PCCA: variants seen among roughly 807,000 people sequenced by gnomAD.
The protein encoded by PCCA is propionyl-CoA carboxylase alpha chain, mitochondrial.
In PCCA, 74 loss-of-function variants were observed where a neutral mutation model predicts 101.3. The observed-to-expected ratio is 0.73, with a 90% confidence interval of 0.61 to 0.89. The LOEUF is 0.89. Ranked by LOEUF, PCCA falls within the 40% of genes least tolerant of loss-of-function variation. The pLI is 0.00. For synonymous variants in PCCA, 294 were observed against 313.6 expected (o/e 0.94, Z 0.66); for missense variants, 891 against 907.0 (o/e 0.98, Z 0.23).
chr13:100,413,657 C>T (rs750721874), intron 19 of PCCA, among the ~76,000 whole-genome samples: 8 of 152,240 alleles, frequency 5.3e-5, no homozygotes, highest in Non-Finnish European at 1.2e-4. Context: ...GACTTCATTC[C>T]TCACAACCAC....
intron 20 of PCCA, 39 bp downstream of exon 20, chr13:100,425,770 G>A: frequency 7.5e-7 from 1 of 1,338,982 alleles, no homozygotes; most frequent in South Asian, 1.2e-5. Flanking sequence ...GCCTCCTCAA[G>A]TCCAGAATCC....
intron 19 of PCCA, among the ~76,000 whole-genome samples, chr13:100,385,259 A>T (rs987780508): frequency 4.6e-5 from 7 of 152,236 alleles, no homozygotes; most frequent in African/African-American, 1.4e-4. Flanking sequence ...AATTATTAGG[A>T]TAATAAGTCA....
At chr13:100,486,883 C>A (rs1596130902) in intron 21 of PCCA, among the ~76,000 whole-genome samples, 1 of 152,202 alleles carries the variant, frequency 6.6e-6, no homozygotes, top group Non-Finnish European at 1.5e-5. Context: ...CGTACCACTG[C>A]ACTCCAGCTT....
chr13:100,403,337 C>A (rs1320392529), intron 19 of PCCA, among the ~76,000 whole-genome samples: 1 of 152,164 alleles, frequency 6.6e-6, no homozygotes, highest in Non-Finnish European at 1.5e-5. Flanking sequence ...TCTCACACTG[C>A]TGTAAAGACA....
At chr13:100,420,875 A>G (rs542903973) in intron 19 of PCCA, among the ~76,000 whole-genome samples, 1 of 152,288 alleles carries the variant, frequency 6.6e-6, no homozygotes, top group East Asian at 1.9e-4. Flanking sequence ...TTGATTGCAT[A>G]TTGTAATGAC....
In PCCA at chr13:100,375,729, C is replaced by T. The variant is rs2075861749; in HGVS notation, c.1746+7155C>T. On this transcript the variant is annotated intron_variant, in intron 19 of 23. Coordinates refer to ENST00000376285, the MANE Select transcript of PCCA (RefSeq NM_000282.4). ...GTCCATCAACACTATGAAGAAACTGCATCAACTAATGGGCAAAATAACCAG... is the reference window on the plus strand; with the variant it reads ...GTCCATCAACACTATGAAGAAACTGTATCAACTAATGGGCAAAATAACCAG... 2.0e-5 allele frequency among the ~76,000 whole-genome samples: 3 copies of T among 152,156 alleles called. No homozygotes were observed. In the South Asian group the frequency reaches 6.2e-4, roughly 31 times the overall value.
chr13:100,526,399 C>A (rs1314349844), intron 22 of PCCA, among the ~76,000 whole-genome samples: 1 of 152,238 alleles, frequency 6.6e-6, no homozygotes, highest in Non-Finnish European at 1.5e-5. Flanking sequence ...CATCGTCTCT[C>A]TTCCTATATT....
intron 17 of PCCA, among the ~76,000 whole-genome samples, chr13:100,333,430 A>G (rs371351930): frequency 3.5e-4 from 54 of 152,280 alleles, no homozygotes; most frequent in Non-Finnish European, 6.3e-4. Context: ...AAAATTTTCT[A>G]TTGTATATGT....
intron 20 of PCCA, among the ~76,000 whole-genome samples, chr13:100,426,435 T>C (rs971568287): frequency 6.6e-6 from 1 of 152,024 alleles, no homozygotes. Context: ...CATTAAATGC[T>C]CATTCTTTGT....
chr13:100,099,743 G>C (rs1380736298), intron 1 of PCCA, among the ~76,000 whole-genome samples: 1 of 152,054 alleles, frequency 6.6e-6, no homozygotes, highest in African/African-American at 2.4e-5. Context: ...CCCGCTTTTT[G>C]TGTAAGTTAT....
intron 6 of PCCA, among the ~76,000 whole-genome samples, chr13:100,191,061 G>T (rs1206647683): frequency 1.3e-5 from 2 of 152,160 alleles, no homozygotes; most frequent in African/African-American, 4.8e-5. Flanking sequence ...CTGCACTCTA[G>T]CCTGGGCAAC....
chr13:100,379,178 A>G lies in PCCA; in HGVS notation c.1746+10604A>G, dbSNP rs370904384. ...GTGGTAGTCACTGTATAGTGTAGTC[A>G]CTGTATGATTTCTTTGGCTGTAAAC... On this transcript the variant is annotated intron_variant, in intron 19 of 23. Transcript: ENST00000376285. Among the ~76,000 whole-genome samples the G allele has an allele frequency of 5.9e-5, 9 of 151,508 alleles. No homozygotes were observed. In the South Asian group the frequency reaches 1.1e-3, roughly 18 times the overall value.
At chr13:100,293,698 G>C (rs1175685418) in intron 12 of PCCA, among the ~76,000 whole-genome samples, 1 of 152,172 alleles carries the variant, frequency 6.6e-6, no homozygotes, top group African/African-American at 2.4e-5. Flanking sequence ...AGGGCTCTCA[G>C]GCTGTTTAGA....
rs555002921 is a variant in PCCA, at chr13:100,204,339, C to T, written c.469-4993C>T. Among the ~76,000 whole-genome samples the T allele has an allele frequency of 3.5e-4, 53 of 152,254 alleles. 1 individual carries two copies. In the Middle Eastern group the frequency reaches 0.01, roughly 29 times the overall value. On this transcript the variant is annotated intron_variant, in intron 6 of 23. Transcript: ENST00000376285. ...ATTTTTTGTAGAGAAAAGTTTTTGC[C>T]ATGTTGCTCAGCCTGGTTTCAAACT...
chr13:100,125,808 C>A (rs1012868269), intron 4 of PCCA, among the ~76,000 whole-genome samples: 1 of 151,986 alleles, frequency 6.6e-6, no homozygotes, highest in Non-Finnish European at 1.5e-5. Flanking sequence ...AAATTATTTT[C>A]TCTGCATTTT....
At chr13:100,155,931 C>G (rs2053838449) in intron 5 of PCCA, among the ~76,000 whole-genome samples, 1 of 152,146 alleles carries the variant, frequency 6.6e-6, no homozygotes, top group African/African-American at 2.4e-5. Flanking sequence ...ACACTTTAAC[C>G]TTTTAACTAT....
In PCCA at chr13:100,515,557, C is replaced by A. The variant is rs372051167; in HGVS notation, c.2030C>A (p.Pro677His). 2 of 1,613,892 alleles carry A rather than the reference C, an allele frequency of 1.2e-6. No homozygotes were observed. Among genetic ancestry groups the A allele is most frequent in the South Asian group, 2.2e-5 (2 of 91,084 alleles). ...PGVVVAVSVKPGDAVAEGQEI... is the reference protein window; with the variant it reads ...PGVVVAVSVKHGDAVAEGQEI... ...GTGGTGGTGGCCGTCTCTGTCAAGC[C>A]TGGAGACGCGGTAAGGGCTGTGTGT... The change falls in exon 22 of 24, where the codon CCT becomes CAT. Residue 677 changes from proline (P) to histidine (H), a missense_variant. Physicochemically the swap from Pro to His is moderately conservative, Grantham distance 77 (BLOSUM62 -2). Transcript: ENST00000376285.
intron 19 of PCCA, among the ~76,000 whole-genome samples, chr13:100,400,006 A>G (rs1405510031): frequency 6.6e-6 from 1 of 152,332 alleles, no homozygotes; most frequent in East Asian, 1.9e-4. Flanking sequence ...TGAGGATGTC[A>G]TAAGAGTTAG....
intron 21 of PCCA, among the ~76,000 whole-genome samples, chr13:100,509,822 G>GT (rs752263714): frequency 7.3e-4 from 48 of 65,386 alleles, no homozygotes; most frequent in African/African-American, 1.7e-3. Flanking sequence ...TTTGTTTTGT[G>GT]TTTTTTTTGT....
Sources: gnomAD v4.1 joint callset for allele counts (sites outside exome capture counted in the v4.1 genomes callset) on GRCh38, gnomAD v4.1.1 for gene constraint, MANE v1.5 for transcripts, NCBI Gene and HGNC (gene_info 2026-07-23, HGNC 2026-07-21) for gene names.